Variants in STK40 observed in about 807,000 individuals in gnomAD.
STK40 encodes serine/threonine-protein kinase 40.
STK40 carries 13 observed loss-of-function variants against 47.9 expected under a neutral mutation model. The observed-to-expected ratio is 0.27, with a 90% CI of 0.18 to 0.43. STK40 has a LOEUF of 0.43. STK40 is among the 20% of genes least tolerant of loss of function. The pLI is 1.00. For missense variants in STK40, 460 were observed against 595.1 expected, an observed-to-expected ratio of 0.77 and a Z score of 2.36; for synonymous variants, 225 against 243.2, an observed-to-expected ratio of 0.93 and a Z score of 0.69.
intron 1 of STK40, among the ~76,000 whole-genome samples, chr1:36,378,102 A>T (rs1349079168): frequency 6.6e-6 from 1 of 152,230 alleles, no homozygotes; most frequent in South Asian, 2.1e-4. Flanking sequence ...CTCCTTGCCC[A>T]CTACCCATAG....
At position 36,343,386 on chromosome 1, in the gene STK40, C is replaced by A. The variant is rs779071838; in HGVS notation, c.1067G>T (p.Ser356Ile). 2 of 1,613,494 alleles carry A rather than the reference C, an allele frequency of 1.2e-6. No individual in the cohort carries two copies. The highest frequency in any genetic ancestry group is 1.3e-5 in the African/African-American group (1 of 75,044). ...CACCTCCTGGGAGCTATCCGCATTGCTCATTTGGTCATCAATGTCAGGAAC... is the reference window on the plus strand; with the variant it reads ...CACCTCCTGGGAGCTATCCGCATTGATCATTTGGTCATCAATGTCAGGAAC... ...QVVPDIDDQM[S>I]NADSSQEAKV... The change falls in exon 10 of 11, where the codon AGC becomes ATC. Residue 356 changes from serine to isoleucine, a missense_variant. By Grantham distance (142) the Ser-to-Ile change is moderately radical. Coordinates refer to ENST00000373132, the MANE Select transcript of STK40 (RefSeq NM_001282547.2).
chr1:36,366,474 C>T (rs192213146), intron 1 of STK40, among the ~76,000 whole-genome samples: 23 of 152,282 alleles, frequency 1.5e-4, no homozygotes, highest in African/African-American at 5.1e-4. Context: ...CCCAGAAAAC[C>T]GGAAGCTGCT....
chr1:36,354,619 T>C (rs886731840), intron 5 of STK40, among the ~76,000 whole-genome samples: 5 of 152,182 alleles, frequency 3.3e-5, no homozygotes, highest in African/African-American at 9.7e-5. Context: ...AATGTGCACC[T>C]AGTCAGTGTC....
intron 1 of STK40, among the ~76,000 whole-genome samples, chr1:36,382,569 T>A (rs1159377637): frequency 1.3e-5 from 2 of 152,210 alleles, no homozygotes; most frequent in African/African-American, 4.8e-5. Flanking sequence ...AACTGAATCA[T>A]CTGCATGGCT....
chr1:36,350,379 T>TG (rs1646741255), intron 6 of STK40, among the ~76,000 whole-genome samples: 1 of 152,148 alleles, frequency 6.6e-6, no homozygotes, highest in African/African-American at 2.4e-5. Flanking sequence ...TGGTCAGAGA[T>TG]GGCCGCGGAA....
chr1:36,373,618 C>A (rs556284093), intron 1 of STK40, among the ~76,000 whole-genome samples: 1 of 152,078 alleles, frequency 6.6e-6, no homozygotes, highest in Non-Finnish European at 1.5e-5. Flanking sequence ...GCTGGGGAGG[C>A]GGATAGAGAG....
rs1335853875 is a variant in STK40 at position 36,345,990 on chromosome 1, TA to T, written c.740-1727del. Among the ~76,000 whole-genome samples, 12 of 30,402 alleles carry T rather than the reference TA, an allele frequency of 3.9e-4. No homozygotes were observed. In the East Asian group the frequency reaches 4.2e-3, roughly 11 times the overall value. The allele number at this position is 30,402 out of a possible 152,430, so 19.9% of individuals were successfully genotyped here. A position where few individuals can be genotyped will look rare whatever the true frequency, so the allele number is the denominator to read the frequency against. Reference sequence around the variant, plus strand: ...TTACATATATATATATATATATATATATTTTTTTTTTTTTTTTTTCCTGAGA... The same window carrying T: ...TTACATATATATATATATATATATATTTTTTTTTTTTTTTTTTTCCTGAGA... On this transcript the variant is annotated intron_variant, in intron 7 of 10. Coordinates refer to ENST00000373132, the MANE Select transcript of STK40 (RefSeq NM_001282547.2).
At chr1:36,371,014 T>C (rs371341323) in intron 1 of STK40, among the ~76,000 whole-genome samples, 3 of 151,850 alleles carry the variant, frequency 2.0e-5, no homozygotes, top group South Asian at 4.2e-4. Context: ...GTAGCTGGGA[T>C]TACACGTGCA....
At chr1:36,370,625 C>G (rs1383739200) in intron 1 of STK40, among the ~76,000 whole-genome samples, 1 of 152,120 alleles carries the variant, frequency 6.6e-6, no homozygotes, top group Non-Finnish European at 1.5e-5. Context: ...TAGATTCCTG[C>G]GCACCTCTCT....
intron 1 of STK40, among the ~76,000 whole-genome samples, chr1:36,366,576 C>T (rs1646904052): frequency 6.6e-6 from 1 of 152,092 alleles, no homozygotes; most frequent in African/African-American, 2.4e-5. Context: ...GCTGTGCGTC[C>T]CTCCAGAGAC....
chr1:36,385,169 A>C (rs1647074762), intron 1 of STK40, among the ~76,000 whole-genome samples: 1 of 152,196 alleles, frequency 6.6e-6, no homozygotes, highest in Admixed American at 6.5e-5. Flanking sequence ...TGACCACAGC[A>C]AGCTCTCCTT....
At chr1:36,365,290 G>A (rs866597937) in intron 1 of STK40, among the ~76,000 whole-genome samples, 1 of 152,162 alleles carries the variant, frequency 6.6e-6, no homozygotes, top group Non-Finnish European at 1.5e-5. Context: ...CGCCCGGCCT[G>A]TTTTGGCCCT....
chr1:36,344,090 C>A (rs746248511), intron 8 of STK40, 30 bp downstream of exon 8: 10 of 1,578,562 alleles, frequency 6.3e-6, no homozygotes, highest in South Asian at 2.3e-5. Context: ...GGCTGGCTGC[C>A]CCCCCCACCC....
chr1:36,341,819 T>A lies in STK40; in HGVS notation c.1244A>T (p.His415Leu), dbSNP rs925140408. Residue 415 changes from histidine to leucine, a missense_variant, in exon 11 of 11, where the codon CAC (histidine) becomes CTC (leucine). His to Leu is a moderately conservative substitution (Grantham distance 99). Around this residue, in one of 3 missense-constraint regions of STK40, gnomAD observed 181 missense variants for 218.9 expected, o/e 0.83. Transcript: ENST00000373132. Reference protein sequence around the residue: ...GSAPPVRRLGHDAQPMTSLDT... With the variant: ...GSAPPVRRLGLDAQPMTSLDT... The stretch of plus-strand genomic sequence containing the variant: ...CAAGGAGGTCATGGGCTGTGCGTCG[T>A]GGCCCAGCCGTCGCACCGGTGGTGC... 6.2e-7 allele frequency: 1 copy of A among 1,613,286 alleles called. No individual in the cohort carries two copies. Among genetic ancestry groups the A allele is most frequent in the African/African-American group, 1.3e-5 (1 of 74,920 alleles).
chr1:36,341,829 G>A lies in STK40; in HGVS notation c.1234C>T (p.Arg412Trp), dbSNP rs753687568. The A allele has an allele frequency of 1.6e-5, 26 of 1,613,566 alleles. No homozygotes were observed. The highest frequency in any genetic ancestry group is 3.3e-5 in the Admixed American group (2 of 60,014). The change falls in exon 11 of 11, where the codon CGG becomes TGG. Residue 412 changes from arginine to tryptophan, a missense_variant. By Grantham distance (101) the Arg-to-Trp change is moderately radical (BLOSUM62 -3). Around this residue, in one of 3 missense-constraint regions of STK40, gnomAD observed 181 missense variants for 218.9 expected, o/e 0.83. Transcript: ENST00000373132. ...RQFGSAPPVR[R>W]LGHDAQPMTS... ...ATGGGCTGTGCGTCGTGGCCCAGCC[G>A]TCGCACCGGTGGTGCGCTGCCGAAC...
chr1:36,361,135 GATGT>G, intron 2 of STK40, 82 bp downstream of exon 2: 2 of 1,525,616 alleles, frequency 1.3e-6, no homozygotes, highest in South Asian at 2.4e-5. Flanking sequence ...ACCTCACTCT[GATGT>G]CTGTAGGTCA....
intron 5 of STK40, among the ~76,000 whole-genome samples, 156 bp from the exon 6 acceptor site, chr1:36,354,572 C>T (rs542970752): frequency 6.6e-6 from 1 of 152,312 alleles, no homozygotes; most frequent in South Asian, 2.1e-4. Flanking sequence ...CAGGACAGTT[C>T]TAAGTTCGCG....
chr1:36,381,303 G>C (rs1647037390), intron 1 of STK40, among the ~76,000 whole-genome samples: 1 of 152,122 alleles, frequency 6.6e-6, no homozygotes, highest in Admixed American at 6.6e-5. Flanking sequence ...CTGCGCCCTA[G>C]TGCCTGCCTA....
rs780966142 is a variant in STK40 at position 36,348,914 on chromosome 1, GA to G, written c.624-100del. ...CCTCACTGGGCCAACACCCAATCCT[GA>G]ACAGTAGGAGGTAGGCTTCTCGTCA... On this transcript the variant is annotated intron_variant, in intron 6 of 10. Transcript: ENST00000373132. 2.6e-5 allele frequency: 26 copies of G among 994,500 alleles called. No individual in the cohort carries two copies. The East Asian group carries it at 4.5e-4, about 17-fold the overall frequency. 61.6% of individuals were successfully genotyped at this position (994,500 alleles called of 1,614,324 possible).
Sources: allele counts gnomAD v4.1 joint callset (sites outside exome capture counted in the v4.1 genomes callset), GRCh38; gene constraint gnomAD v4.1.1; regional missense constraint gnomAD v4.1.1; transcripts MANE v1.5; gene names NCBI Gene and HGNC (gene_info 2026-07-23, HGNC 2026-07-21).